The following PRDM9 variants were observed in gnomAD, a reference collection of about 807,000 sequenced individuals.
PRDM9 encodes the protein histone-lysine N-methyltransferase PRDM9.
Under a neutral mutation model 55.6 loss-of-function variants are expected in PRDM9, and 47 were observed. The ratio of observed to expected loss-of-function variants is 0.85; its 90% CI spans 0.67 to 1.08. The LOEUF is 1.08. Among genes scored for constraint, PRDM9 ranks in the 50% least tolerant of loss-of-function variants. PRDM9 has a pLI of 0.00. For synonymous variants in PRDM9, 312 were observed against 375.7 expected (o/e 0.83, Z 1.96); for missense variants, 867 against 1,040.3 (o/e 0.83, Z 2.29).
At chr5:23,516,697 T>C (rs575587594) in intron 4 of PRDM9, among the ~76,000 whole-genome samples, 29 of 150,274 alleles carry the variant, frequency 1.9e-4, no homozygotes, top group African/African-American at 7.1e-4. Context: ...CTTCTAACAA[T>C]TTTTTGGTAA....
At position 23,521,103 on chromosome 5, in the gene PRDM9, C is replaced by T. The variant is rs10042274; in HGVS notation, c.432C>T (p.Gly144=). The change falls in exon 6 of 11, where the codon GGC becomes GGT. Residue 144 remains glycine, a synonymous_variant. Transcript: ENST00000296682. ...CAGCAAATTTACTGAATGCAAGTGG[C>T]TCAGAGCAGGCTCAGAAACCAGTGT... ...SRTANLLNAS[G]SEQAQKPVSP... is the part of the protein sequence containing the mutation. 2,266 of 1,614,132 alleles carry T rather than the reference C, an allele frequency of 1.4e-3. 39 individuals carry two copies. The African/African-American group carries it at 0.027, about 19-fold the overall frequency.
chr5:23,508,557 G>A lies in PRDM9; in HGVS notation c.-84-393G>A, dbSNP rs557070773. On this transcript the variant is annotated intron_variant, in intron 1 of 10. Coordinates refer to ENST00000296682, the MANE Select transcript of PRDM9 (RefSeq NM_020227.4). ...CTATGCGAAATGTTCATTTTGTCTC[G>A]CTGAAACAGAACTCTGCCCCTCAGT... 1.7e-4 allele frequency among the ~76,000 whole-genome samples: 26 copies of A among 152,164 alleles called. 1 individual carries two copies. Among genetic ancestry groups the A allele is most frequent in the South Asian group, 6.2e-4 (3 of 4,816 alleles).
Position 23,527,577 on chromosome 5 carries a change from A to G in PRDM9, c.2489A>G (p.Lys830Arg), listed in dbSNP as rs200906735. 15 of 1,542,448 alleles carry G rather than the reference A, an allele frequency of 9.7e-6. No individual in the cohort carries two copies. The highest frequency in any genetic ancestry group is 1.3e-5 in the Non-Finnish European group (15 of 1,147,016). ...CACCAGAGGACACACACAGGGGAGAAGCCCTATGTCTGCAGGGAGTGTGGG... is the reference window on the plus strand; with the variant it reads ...CACCAGAGGACACACACAGGGGAGAGGCCCTATGTCTGCAGGGAGTGTGGG... ...LRHQRTHTGEKPYVCRECGRG... is the reference protein window; with the variant it reads ...LRHQRTHTGERPYVCRECGRG... The change falls in exon 11 of 11, where the codon AAG (lysine) becomes AGG (arginine). Residue 830 changes from lysine to arginine, a missense_variant. Physicochemically the swap from Lys to Arg is conservative, Grantham distance 26. Coordinates refer to ENST00000296682, the MANE Select transcript of PRDM9 (RefSeq NM_020227.4).
chr5:23,520,910 GT>G, intron 5 of PRDM9, 112 bp from the exon 6 acceptor site: 1 of 1,232,592 alleles, frequency 8.1e-7, no homozygotes, highest in South Asian at 1.3e-5. Context: ...GACACTCTAG[GT>G]ATTTTCAAGG....
intron 1 of PRDM9, among the ~76,000 whole-genome samples, chr5:23,508,218 T>C (rs1561015652): frequency 6.6e-6 from 1 of 151,940 alleles, no homozygotes; most frequent in East Asian, 2.0e-4. Context: ...GAACCCCAAA[T>C]CCCCTTAACC....
At chr5:23,510,521 C>G (rs1561016767) in intron 4 of PRDM9, among the ~76,000 whole-genome samples, 1 of 151,292 alleles carries the variant, frequency 6.6e-6, no homozygotes, top group African/African-American at 2.4e-5. Context: ...CCATGCCAAG[C>G]TAATTTTTGT....
At chr5:23,518,360 A>T (rs565506745) in intron 5 of PRDM9, among the ~76,000 whole-genome samples, 1 of 152,220 alleles carries the variant, frequency 6.6e-6, no homozygotes, top group Non-Finnish European at 1.5e-5. Flanking sequence ...TTAACACAAG[A>T]TCATTAAAAG....
intron 5 of PRDM9, among the ~76,000 whole-genome samples, chr5:23,519,936 C>T (rs377231502): frequency 6.6e-6 from 1 of 151,554 alleles, no homozygotes; most frequent in African/African-American, 2.4e-5. Flanking sequence ...CCCAACTACT[C>T]AGGAGCCTGA....
intron 4 of PRDM9, among the ~76,000 whole-genome samples, chr5:23,513,855 G>T (rs766531173): frequency 3.3e-5 from 5 of 151,964 alleles, no homozygotes; most frequent in African/African-American, 4.8e-5. Context: ...CTGCAGCCTG[G>T]GCAACAGAAC....
chr5:23,524,346 T>C lies in PRDM9; in HGVS notation c.963T>C (p.Cys321=). ...SWANWMRYVN[C]ARDDEEQNLV... is the part of the protein sequence containing the mutation. ...GCCTTGACCCCAGGTATGTGAACTG[T>C]GCCCGGGATGATGAAGAGCAGAACC... The change falls in exon 10 of 11, where the codon TGT becomes TGC. Residue 321 remains cysteine, a synonymous_variant. Transcript: ENST00000296682. The C allele has an allele frequency of 6.2e-7, 1 of 1,613,940 alleles. No homozygotes were observed. Among genetic ancestry groups the C allele is most frequent in the South Asian group, 1.1e-5 (1 of 91,076 alleles).
upstream of PRDM9, chr5:23,507,325 CAAGT>C (rs1366987355): frequency 2.0e-5 from 3 of 152,350 alleles, no homozygotes; most frequent in Non-Finnish European, 4.4e-5. Flanking sequence ...TGGGGAAAAC[CAAGT>C]AATAAAACCC....
chr5:23,525,033 T>A (rs1268539595), intron 10 of PRDM9, among the ~76,000 whole-genome samples: 6 of 152,236 alleles, frequency 3.9e-5, no homozygotes, highest in Non-Finnish European at 5.9e-5. Context: ...TATGATTACA[T>A]ACAGACATAT....
chr5:23,524,630 C>G (rs2126431809), intron 10 of PRDM9, 103 bp downstream of exon 10: 1 of 1,528,000 alleles, frequency 6.5e-7, no homozygotes, highest in East Asian at 2.3e-5. Flanking sequence ...CATCTAAAGT[C>G]AGTAAGATTT....
At chr5:23,517,152 CAAA>C (rs753493547) in intron 4 of PRDM9, among the ~76,000 whole-genome samples, 19 of 62,636 alleles carry the variant, frequency 3.0e-4, no homozygotes, top group African/African-American at 9.0e-4. Context: ...GACTCCATCT[CAAA>C]AAAAAAAAAA....
chr5:23,521,788 A>G (rs1739332642), intron 6 of PRDM9, among the ~76,000 whole-genome samples: 1 of 152,250 alleles, frequency 6.6e-6, no homozygotes, highest in Admixed American at 6.5e-5. Flanking sequence ...CCAAGTATAT[A>G]TAGACCAAGT....
intron 4 of PRDM9, among the ~76,000 whole-genome samples, chr5:23,512,565 C>T (rs1005166346): frequency 1.3e-5 from 2 of 152,172 alleles, no homozygotes; most frequent in Admixed American, 6.5e-5. Context: ...GTTTACCACA[C>T]ATCTATACAT....
At chr5:23,517,823 A>C (rs1326116848) in intron 4 of PRDM9, 58 bp from the exon 5 acceptor site, 10 of 1,410,954 alleles carry the variant, frequency 7.1e-6, no homozygotes, top group East Asian at 6.8e-5. Context: ...AGAAGAGAGA[A>C]TCTCTAGTGT....
chr5:23,522,982 G>C, intron 8 of PRDM9, 97 bp downstream of exon 8: 1 of 1,590,538 alleles, frequency 6.3e-7, no homozygotes, highest in East Asian at 2.2e-5. Context: ...TATAGGTAAG[G>C]ATAACATGGT....
chr5:23,511,865 G>T (rs1051669194), intron 4 of PRDM9, among the ~76,000 whole-genome samples: 2 of 151,978 alleles, frequency 1.3e-5, no homozygotes, highest in Non-Finnish European at 2.9e-5. Context: ...CACATAAAAA[G>T]ATCTGAAACA....
Sources: allele counts gnomAD v4.1 joint callset (sites outside exome capture counted in the v4.1 genomes callset), GRCh38; gene constraint gnomAD v4.1.1; transcripts MANE v1.5; gene names NCBI Gene and HGNC (gene_info 2026-07-23, HGNC 2026-07-21).